IPCEF1: variants seen among roughly 807,000 people sequenced by gnomAD.
IPCEF1 encodes interaction protein for cytohesin exchange factors 1.
Under a neutral mutation model 50.9 loss-of-function variants are expected in IPCEF1, and 31 were observed. That is an observed-to-expected ratio of 0.61 (90% CI 0.46 to 0.82). The LOEUF (loss-of-function observed/expected upper bound fraction) is 0.82. IPCEF1 is among the 40% of genes least tolerant of loss of function. The pLI is 0.00. For synonymous variants in IPCEF1, 181 were observed against 192.0 expected (o/e 0.94, Z 0.47); for missense variants, 458 against 514.0 (o/e 0.89, Z 1.05).
At chr6:154,204,486 C>A (rs1478699421) in intron 9 of IPCEF1, among the ~76,000 whole-genome samples, 1 of 152,154 alleles carries the variant, frequency 6.6e-6, no homozygotes, top group Admixed American at 6.5e-5. Context: ...TGTTGTTAAG[C>A]CCCAGGAAGT....
Position 154,212,817 on chromosome 6 carries a change from C to A in IPCEF1, c.490G>T (p.Ala164Ser). 2 of 1,613,784 alleles carry A rather than the reference C, an allele frequency of 1.2e-6. No individual in the cohort carries two copies. The highest frequency in any genetic ancestry group is 1.7e-6 in the Non-Finnish European group (2 of 1,179,662). Residue 164 changes from alanine (A) to serine (S), a missense_variant, in exon 9 of 12, where the codon GCT (alanine) becomes TCT (serine). By Grantham distance (99) the Ala-to-Ser change is moderately conservative. Transcript: ENST00000367220. ...TGAGGAGGGGGTGGTGTCTCCGCAG[C>A]TATTTCTGGATCTTCCTGTTCACTT... is the stretch of plus-strand genomic sequence containing the variant. ...SESEQEDPEI[A>S]AETPPPPHAS...
chr6:154,194,033 T>C (rs1368594709), intron 10 of IPCEF1, among the ~76,000 whole-genome samples: 1 of 152,248 alleles, frequency 6.6e-6, no homozygotes, highest in African/African-American at 2.4e-5. Flanking sequence ...TTTGTGACCA[T>C]GAGCAGTGGT....
chr6:154,256,728 CT>C (rs1781472007), intron 3 of IPCEF1, among the ~76,000 whole-genome samples: 1 of 152,168 alleles, frequency 6.6e-6, no homozygotes, highest in African/African-American at 2.4e-5. Flanking sequence ...CATAGAGAAT[CT>C]TGCACACATG....
intron 2 of IPCEF1, among the ~76,000 whole-genome samples, chr6:154,278,650 T>A (rs554155982): frequency 6.6e-6 from 1 of 152,106 alleles, no homozygotes; most frequent in South Asian, 2.1e-4. Flanking sequence ...TCCTTTGATA[T>A]TAGGAATAAG....
chr6:154,280,406 G>A (rs1782176319), intron 2 of IPCEF1, among the ~76,000 whole-genome samples: 1 of 151,610 alleles, frequency 6.6e-6, no homozygotes, highest in Non-Finnish European at 1.5e-5. Flanking sequence ...TCTCTACAAA[G>A]AGGTAAATCA....
chr6:154,205,970 C>A (rs533089547), intron 9 of IPCEF1, among the ~76,000 whole-genome samples: 1 of 152,158 alleles, frequency 6.6e-6, no homozygotes, highest in Non-Finnish European at 1.5e-5. Flanking sequence ...TGCTGCTAGG[C>A]CTGAAACTAA....
chr6:154,236,714 A>AT (rs1400032368), intron 5 of IPCEF1, among the ~76,000 whole-genome samples: 1 of 152,182 alleles, frequency 6.6e-6, no homozygotes, highest in Non-Finnish European at 1.5e-5. Flanking sequence ...GGTAACAGAC[A>AT]TCTATTCATG....
intron 1 of IPCEF1, among the ~76,000 whole-genome samples, chr6:154,308,613 C>CT (rs575325122): frequency 1.3e-3 from 193 of 152,260 alleles, no homozygotes; most frequent in African/African-American, 4.4e-3. Context: ...CAAAGCCTAT[C>CT]TTTGCTGTTT....
chr6:154,281,345 C>T (rs1782206369), intron 2 of IPCEF1, among the ~76,000 whole-genome samples: 1 of 150,850 alleles, frequency 6.6e-6, no homozygotes, highest in Non-Finnish European at 1.5e-5. Flanking sequence ...AGAGCAAGAC[C>T]TCATCTCGAA....
chr6:154,266,585 T>TATATATATATATATAC (rs71021035), intron 2 of IPCEF1, among the ~76,000 whole-genome samples: 28 of 135,698 alleles, frequency 2.1e-4, no homozygotes, highest in African/African-American at 4.8e-4. Context: ...TATATATATA[T>TATATATATATATATAC]ACACACAAAC....
rs931669098 is a variant in IPCEF1, at chr6:154,156,379, C to T, written c.*3449G>A. ...TTCCTAGTGGGCTATGTGCCAACAGCAACTTCACAAGGTAACAGGTGAAGC... is the reference window on the plus strand; with the variant it reads ...TTCCTAGTGGGCTATGTGCCAACAGTAACTTCACAAGGTAACAGGTGAAGC... On this transcript the variant is annotated 3_prime_UTR_variant, in exon 12 of 12. Transcript: ENST00000367220. 1 of 152,244 alleles carries T rather than the reference C, an allele frequency of 6.6e-6. No individual in the cohort carries two copies. Among genetic ancestry groups the T allele is most frequent in the Non-Finnish European group, 1.5e-5 (1 of 68,094 alleles). The allele number at this position is 152,244 out of a possible 1,614,324, so 9.4% of individuals were successfully genotyped here. A position where few individuals can be genotyped will look rare whatever the true frequency, so the allele number is the denominator to read the frequency against.
chr6:154,161,595 C>CTGA (rs1353942466), intron 11 of IPCEF1, among the ~76,000 whole-genome samples: 1 of 152,170 alleles, frequency 6.6e-6, no homozygotes, highest in Non-Finnish European at 1.5e-5. Context: ...CAAAATTGGA[C>CTGA]TGATAAGCTT....
chr6:154,207,988 G>C (rs1436323293), intron 9 of IPCEF1, among the ~76,000 whole-genome samples: 1 of 152,086 alleles, frequency 6.6e-6, no homozygotes, highest in Non-Finnish European at 1.5e-5. Context: ...TGGAATCGCT[G>C]CCATCTTTTG....
intron 10 of IPCEF1, among the ~76,000 whole-genome samples, chr6:154,182,815 C>T: frequency 6.6e-6 from 1 of 151,330 alleles, no homozygotes; most frequent in Non-Finnish European, 1.5e-5. Flanking sequence ...ATGATGGGGA[C>T]AAGTGAATAC....
intron 2 of IPCEF1, among the ~76,000 whole-genome samples, chr6:154,269,583 G>A (rs945444881): frequency 2.0e-5 from 3 of 151,824 alleles, no homozygotes; most frequent in Admixed American, 6.6e-5. Context: ...CAATCTTCTT[G>A]CCTCGGCATC....
At chr6:154,263,225 T>G (rs994317741) in intron 3 of IPCEF1, among the ~76,000 whole-genome samples, 14 of 34,860 alleles carry the variant, frequency 4.0e-4, no homozygotes, top group African/African-American at 1.2e-3. Context: ...ATCCTGTAAA[T>G]GAGTCTTTTT....
At chr6:154,257,509 A>G (rs1185485201) in intron 3 of IPCEF1, among the ~76,000 whole-genome samples, 2 of 152,166 alleles carry the variant, frequency 1.3e-5, no homozygotes, top group Non-Finnish European at 2.9e-5. Context: ...TTCTTTGTCT[A>G]TCATTGCTAT....
At chr6:154,213,042 A>T (rs1178883011) in intron 8 of IPCEF1, 187 bp from the exon 9 acceptor site, 1 of 568,814 alleles carries the variant, frequency 1.8e-6, no homozygotes. Context: ...CAAATGGCCA[A>T]TTCGGGGCTC....
chr6:154,241,234 C>CAAAAAAA (rs11308882), intron 5 of IPCEF1, among the ~76,000 whole-genome samples: 1 of 79,210 alleles, frequency 1.3e-5, no homozygotes. Flanking sequence ...GACTCCATCT[C>CAAAAAAA]AAAAAAAAAA....
Sources: gnomAD v4.1 joint callset for allele counts (sites outside exome capture counted in the v4.1 genomes callset) on GRCh38, gnomAD v4.1.1 for gene constraint, MANE v1.5 for transcripts, NCBI Gene and HGNC (gene_info 2026-07-23, HGNC 2026-07-21) for gene names.